Variants in TMEM132B observed in about 807,000 individuals in gnomAD.
The protein encoded by TMEM132B is transmembrane protein 132B.
TMEM132B carries 18 observed loss-of-function variants against 90.8 expected under a neutral mutation model. The observed-to-expected ratio is 0.20, with a 90% CI of 0.14 to 0.29. The LOEUF is 0.29. Among genes scored for constraint, TMEM132B ranks in the 10% least tolerant of loss-of-function variants. The probability of loss-of-function intolerance (pLI) is 1.00; values close to 1 mark genes in which losing one functional copy is unlikely to be tolerated. For synonymous variants in TMEM132B, 504 were observed against 523.3 expected, an observed-to-expected ratio of 0.96 and a Z score of 0.50; for missense variants, 1,096 against 1,326.8, an observed-to-expected ratio of 0.83 and a Z score of 2.70.
intron 4 of TMEM132B, among the ~76,000 whole-genome samples, chr12:125,527,471 T>A (rs574061156): frequency 3.3e-4 from 45 of 136,044 alleles, no homozygotes; most frequent in Admixed American, 8.9e-4. Context: ...CACCCTTCCA[T>A]CCACCCATCC....
chr12:125,623,977 T>G (rs1398597394), intron 5 of TMEM132B, among the ~76,000 whole-genome samples: 1 of 152,116 alleles, frequency 6.6e-6, no homozygotes, highest in Non-Finnish European at 1.5e-5. Flanking sequence ...ACGATGGAAG[T>G]GTGTTGAATG....
intron 1 of TMEM132B, among the ~76,000 whole-genome samples, chr12:125,316,618 C>CTTTTTTTTTTTTTTTTTACAGGAT (rs1555239077): frequency 6.6e-6 from 1 of 150,858 alleles, no homozygotes; most frequent in Admixed American, 6.6e-5. Flanking sequence ...AGATGATTTT[C>CTTTTTTTTTTTTTTTTTACAGGAT]AGCTGAGGTC....
chr12:125,629,673 A>G (rs553139588), intron 5 of TMEM132B, among the ~76,000 whole-genome samples: 2 of 152,192 alleles, frequency 1.3e-5, no homozygotes, highest in Admixed American at 6.5e-5. Context: ...ATCCAGTACT[A>G]TGCTGAATAA....
intron 3 of TMEM132B, among the ~76,000 whole-genome samples, chr12:125,456,612 G>T (rs1047797089): frequency 6.6e-6 from 1 of 152,130 alleles, no homozygotes; most frequent in Non-Finnish European, 1.5e-5. Flanking sequence ...AATCTGCCTC[G>T]TTACTCTCTT....
At chr12:125,646,932 GA>G (rs1886778086) in intron 6 of TMEM132B, among the ~76,000 whole-genome samples, 1 of 151,790 alleles carries the variant, frequency 6.6e-6, no homozygotes, top group Non-Finnish European at 1.5e-5. Context: ...CATACCAAAG[GA>G]AAAAAGAAAA....
chr12:125,550,574 A>G (rs1197403472), intron 4 of TMEM132B, among the ~76,000 whole-genome samples: 1 of 152,148 alleles, frequency 6.6e-6, no homozygotes, highest in African/African-American at 2.4e-5. Context: ...TTACCAATTC[A>G]TATTTTTCTT....
intron 4 of TMEM132B, among the ~76,000 whole-genome samples, chr12:125,555,564 TGG>T (rs1415724684): frequency 1.9e-5 from 2 of 103,536 alleles, no homozygotes; most frequent in African/African-American, 7.4e-5. Context: ...GGGCCTGTTG[TGG>T]GGTGGGGGGT....
At chr12:125,509,648 G>A (rs1303428669) in intron 3 of TMEM132B, among the ~76,000 whole-genome samples, 2 of 152,152 alleles carry the variant, frequency 1.3e-5, no homozygotes, top group African/African-American at 4.8e-5. Flanking sequence ...AGTCTCGGGA[G>A]GTAGCAGTAG....
At chr12:125,634,387 G>A (rs78969156) in intron 5 of TMEM132B, among the ~76,000 whole-genome samples, 1,915 of 152,290 alleles carry the variant, frequency 0.013, 60 homozygotes, top group African/African-American at 0.044. Context: ...TCTTCTAATT[G>A]AGGGCCCCAA....
chr12:125,467,568 G>T (rs1161155241), intron 3 of TMEM132B, among the ~76,000 whole-genome samples: 5 of 152,180 alleles, frequency 3.3e-5, no homozygotes, highest in Admixed American at 6.5e-5. Flanking sequence ...CTACACATCA[G>T]TGAAGAAATG....
intron 4 of TMEM132B, among the ~76,000 whole-genome samples, chr12:125,534,891 C>T (rs758176312): frequency 3.3e-5 from 5 of 152,106 alleles, no homozygotes; most frequent in Admixed American, 6.6e-5. Context: ...ATTGCACATG[C>T]CACATTTCAA....
chr12:125,280,791 G>A (rs1414017901), intron 1 of TMEM132B, among the ~76,000 whole-genome samples: 1 of 152,210 alleles, frequency 6.6e-6, no homozygotes, highest in Non-Finnish European at 1.5e-5. Context: ...GCTCCAGCGA[G>A]GATTAGGAAG....
At chr12:125,333,292 T>A (rs1876850113) in intron 1 of TMEM132B, among the ~76,000 whole-genome samples, 2 of 152,206 alleles carry the variant, frequency 1.3e-5, no homozygotes, top group Non-Finnish European at 2.9e-5. Flanking sequence ...ACTTATGTCA[T>A]CCAATGAGCT....
At position 125,567,599 on chromosome 12, in the gene TMEM132B, T is replaced by C. The variant is rs145265243; in HGVS notation, c.1294-16252T>C. ...GGAATGATACAGGAAGGCTTATTCA[T>C]ATTTAAATAAAGTTATGAGTTCAGG... On this transcript the variant is annotated intron_variant, in intron 4 of 8. Transcript: ENST00000682704. 3.7e-4 allele frequency among the ~76,000 whole-genome samples: 57 copies of C among 152,310 alleles called. 1 individual carries two copies. The highest frequency in any genetic ancestry group is 2.4e-3 in the Admixed American group (36 of 15,302).
At chr12:125,242,301 CA>C (rs1874090382) in intron 1 of TMEM132B, among the ~76,000 whole-genome samples, 1 of 152,164 alleles carries the variant, frequency 6.6e-6, no homozygotes, top group African/African-American at 2.4e-5. Context: ...AGGTATGTAC[CA>C]CCCTGCCTGG....
intron 3 of TMEM132B, among the ~76,000 whole-genome samples, chr12:125,442,508 A>C (rs1428592132): frequency 6.6e-6 from 1 of 152,208 alleles, no homozygotes; most frequent in African/African-American, 2.4e-5. Context: ...TCAGTTTCTC[A>C]TCTGTGACAC....
At position 125,526,016 on chromosome 12, in the gene TMEM132B, C is replaced by T. The variant is rs560391362; in HGVS notation, c.1293+6391C>T. On this transcript the variant is annotated intron_variant, in intron 4 of 8. Transcript: ENST00000682704. ...GCTATTCCTGCTTTCTGTCCCTGAG[C>T]GTGACTGTGTAAGGAGTGGGAGGTG... Among the ~76,000 whole-genome samples the T allele has an allele frequency of 3.9e-5, 6 of 152,272 alleles. No individual in the cohort carries two copies. In the South Asian group the frequency reaches 8.3e-4, roughly 21 times the overall value.
In TMEM132B at chr12:125,659,757, C is replaced by T. The variant is rs1473511824; in HGVS notation, c.*5047C>T. The T allele has an allele frequency of 1.3e-5, 2 of 152,200 alleles. No homozygotes were observed. Among genetic ancestry groups the T allele is most frequent in the East Asian group, 3.9e-4 (2 of 5,192 alleles). 9.4% of individuals were successfully genotyped at this position (152,200 alleles called of 1,614,324 possible). ...ATACCAAACCTAGTCTTTCTCCAGG[C>T]CCTTCAGACATCATTCAGGTAACTG... On this transcript the variant is annotated 3_prime_UTR_variant, in exon 9 of 9. Coordinates refer to ENST00000682704, the MANE Select transcript of TMEM132B (RefSeq NM_001366854.1).
intron 3 of TMEM132B, among the ~76,000 whole-genome samples, chr12:125,442,387 A>G (rs551086334): frequency 6.6e-6 from 1 of 152,292 alleles, no homozygotes; most frequent in Non-Finnish European, 1.5e-5. Flanking sequence ...GAGGGAGGCA[A>G]ATACTACAGT....
Sources: allele counts gnomAD v4.1 joint callset (sites outside exome capture counted in the v4.1 genomes callset), GRCh38; gene constraint gnomAD v4.1.1; transcripts MANE v1.5; gene names NCBI Gene and HGNC (gene_info 2026-07-23, HGNC 2026-07-21).